The following RPRD1A variants were observed in gnomAD, a reference collection of about 807,000 sequenced individuals.
RPRD1A encodes the protein regulation of nuclear pre-mRNA domain-containing protein 1A.
In RPRD1A, 9 loss-of-function variants were observed where a neutral mutation model predicts 37.8. That is an observed-to-expected ratio of 0.24 (90% CI 0.14 to 0.42). RPRD1A has a LOEUF of 0.42. RPRD1A is among the 10% of genes least tolerant of loss of function. The probability of loss-of-function intolerance (pLI) is 1.00; values close to 1 mark genes in which losing one functional copy is unlikely to be tolerated. For synonymous variants in RPRD1A, 138 were observed against 139.7 expected, an observed-to-expected ratio of 0.99 and a Z score of 0.08; for missense variants, 255 against 371.0, an observed-to-expected ratio of 0.69 and a Z score of 2.57.
chr18:36,043,189 G>C (rs1912706578), intron 1 of RPRD1A, among the ~76,000 whole-genome samples: 1 of 85,860 alleles, frequency 1.2e-5, no homozygotes, highest in Non-Finnish European at 2.0e-5. Context: ...GAAAGATCAA[G>C]AAGAATCGGG....
chr18:36,065,110 A>T (rs2089001664), intron 1 of RPRD1A, among the ~76,000 whole-genome samples: 1 of 152,112 alleles, frequency 6.6e-6, no homozygotes, highest in Admixed American at 6.5e-5. Context: ...GAACTATAAC[A>T]CCGCGAGGGT....
At chr18:36,023,187 A>G (rs989381379) in intron 6 of RPRD1A, among the ~76,000 whole-genome samples, 2 of 152,238 alleles carry the variant, frequency 1.3e-5, no homozygotes, top group African/African-American at 4.8e-5. Flanking sequence ...AAGTAACTGA[A>G]AACTTTCAGA....
chr18:36,019,061 T>C (rs1025322051), intron 6 of RPRD1A, among the ~76,000 whole-genome samples: 2 of 151,394 alleles, frequency 1.3e-5, no homozygotes, highest in Non-Finnish European at 2.9e-5. Context: ...AAATGGTGTC[T>C]GAGTTCAAAA....
At position 36,020,817 on chromosome 18, in the gene RPRD1A, A is replaced by T. The variant is rs78281417; in HGVS notation, c.789+6083T>A. Among the ~76,000 whole-genome samples, 85 of 145,958 alleles carry T rather than the reference A, an allele frequency of 5.8e-4. 2 individuals are homozygous for T. The South Asian group carries it at 0.016, about 28-fold the overall frequency. The stretch of plus-strand genomic sequence containing the variant: ...TGACAAAGTGAGATCCTGTCTATTT[A>T]AAAAAAAAAAAGTAACAGAGAACAG... On this transcript the variant is annotated intron_variant, in intron 6 of 6. Coordinates refer to ENST00000399022, the MANE Select transcript of RPRD1A (RefSeq NM_018170.5).
chr18:36,044,704 AAAAT>A (rs1005376974), intron 1 of RPRD1A, among the ~76,000 whole-genome samples: 1 of 151,892 alleles, frequency 6.6e-6, no homozygotes, highest in African/African-American at 2.4e-5. Context: ...TATAAAAAAT[AAAAT>A]AAATAAAAGC....
chr18:36,028,407 T>C (rs1031554155), intron 4 of RPRD1A, among the ~76,000 whole-genome samples: 36 of 152,196 alleles, frequency 2.4e-4, no homozygotes, highest in African/African-American at 8.2e-4. Context: ...ACAATTAAGG[T>C]GTGCTTAAGA....
At chr18:36,067,126 GC>G in intron 1 of RPRD1A, 127 bp downstream of exon 1, 1 of 960,902 alleles carries the variant, frequency 1.0e-6, no homozygotes, top group Non-Finnish European at 1.5e-6. Context: ...GCTCCTCCAA[GC>G]CCGCAGACCA....
chr18:36,024,139 G>C (rs1042172166), intron 6 of RPRD1A, among the ~76,000 whole-genome samples: 2 of 143,706 alleles, frequency 1.4e-5, no homozygotes, highest in African/African-American at 5.3e-5. Flanking sequence ...CAGTTATCTC[G>C]TGTGTGTGTG....
chr18:36,021,593 TGAA>T (rs1322964563), intron 6 of RPRD1A, among the ~76,000 whole-genome samples: 3 of 152,274 alleles, frequency 2.0e-5, no homozygotes, highest in South Asian at 4.1e-4. Flanking sequence ...CTAGAAGTGA[TGAA>T]GTTTAGTGAG....
At chr18:36,042,966 AT>A (rs1423066523) in intron 1 of RPRD1A, among the ~76,000 whole-genome samples, 5 of 152,308 alleles carry the variant, frequency 3.3e-5, no homozygotes, top group Admixed American at 2.6e-4. Flanking sequence ...ATATGGATAT[AT>A]TTCTCATAAA....
intron 6 of RPRD1A, among the ~76,000 whole-genome samples, chr18:36,012,378 T>A (rs1910231084): frequency 6.6e-6 from 1 of 152,224 alleles, no homozygotes; most frequent in Non-Finnish European, 1.5e-5. Flanking sequence ...ATTGTTAGAA[T>A]ATACTCTATA....
At chr18:36,007,505 A>G (rs1022388613) in intron 6 of RPRD1A, among the ~76,000 whole-genome samples, 5 of 151,866 alleles carry the variant, frequency 3.3e-5, no homozygotes, top group African/African-American at 4.9e-5. Flanking sequence ...GGATTCAGAG[A>G]AGGACACTGC....
chr18:36,006,323 C>T (rs1185717161), intron 6 of RPRD1A, among the ~76,000 whole-genome samples: 2 of 152,080 alleles, frequency 1.3e-5, no homozygotes, highest in African/African-American at 4.8e-5. Context: ...GGATTACAGG[C>T]ATGTGCCACC....
At chr18:36,009,562 A>G (rs181804697) in intron 6 of RPRD1A, among the ~76,000 whole-genome samples, 1 of 152,314 alleles carries the variant, frequency 6.6e-6, no homozygotes, top group Admixed American at 6.5e-5. Context: ...AATACTGCCT[A>G]TTCTGGGGCA....
At chr18:36,033,616 CTTTTTA>C in intron 2 of RPRD1A, 86 bp downstream of exon 2, 1 of 1,062,816 alleles carries the variant, frequency 9.4e-7, no homozygotes, top group South Asian at 2.5e-5. Flanking sequence ...ATATTCCCTA[CTTTTTA>C]TTTTAATAGT....
intron 6 of RPRD1A, among the ~76,000 whole-genome samples, chr18:35,995,650 A>G (rs1279458547): frequency 2.6e-5 from 4 of 152,216 alleles, no homozygotes; most frequent in Admixed American, 2.0e-4. Context: ...ACAGCATTTC[A>G]TATCTGAAAA....
intron 6 of RPRD1A, among the ~76,000 whole-genome samples, chr18:36,014,010 G>C (rs1568121165): frequency 3.3e-5 from 5 of 151,984 alleles, no homozygotes; most frequent in South Asian, 2.1e-4. Flanking sequence ...TTATCTTCCT[G>C]TGATTTTTGG....
intron 1 of RPRD1A, among the ~76,000 whole-genome samples, chr18:36,067,023 G>A (rs906390880): frequency 1.3e-5 from 2 of 152,164 alleles, no homozygotes; most frequent in Admixed American, 1.3e-4. Flanking sequence ...TACTGTTTCC[G>A]TGTTAAGCTA....
rs182299828 is a variant in RPRD1A, at chr18:36,022,587, A to T, written c.789+4313T>A. 1.2e-4 allele frequency among the ~76,000 whole-genome samples: 18 copies of T among 152,374 alleles called. 1 individual carries two copies. Among genetic ancestry groups the T allele is most frequent in the African/African-American group, 3.8e-4 (16 of 41,592 alleles). On this transcript the variant is annotated intron_variant, in intron 6 of 6. Coordinates refer to ENST00000399022, the MANE Select transcript of RPRD1A (RefSeq NM_018170.5). ...TAAATTTACTCTGCCTGTGCTCTAT[A>T]AAAGAAACAAGTATAGATGACAATA...
Sources: gnomAD v4.1 joint callset for allele counts (sites outside exome capture counted in the v4.1 genomes callset) on GRCh38, gnomAD v4.1.1 for gene constraint, MANE v1.5 for transcripts, NCBI Gene and HGNC (gene_info 2026-07-23, HGNC 2026-07-21) for gene names.